FOXN1: variants seen among roughly 807,000 people sequenced by gnomAD.
The protein encoded by FOXN1 is forkhead box protein N1.
A neutral mutation model predicts 49.0 loss-of-function variants in FOXN1; 15 were observed. The ratio of observed to expected loss-of-function variants is 0.31; its 90% confidence interval spans 0.20 to 0.47. The LOEUF is 0.47. Ranked by LOEUF, FOXN1 falls within the 20% of genes least tolerant of loss-of-function variation. FOXN1 has a pLI of 1.00. For missense variants in FOXN1, 800 were observed against 842.8 expected (o/e 0.95, Z 0.63); for synonymous variants, 356 against 369.0 (o/e 0.96, Z 0.40).
At chr17:28,523,872 T>G in intron 1 of FOXN1, 84 bp from the exon 2 acceptor site, 2 of 1,231,150 alleles carry the variant, frequency 1.6e-6, no homozygotes, top group Non-Finnish European at 2.4e-6. Context: ...AGCCCAAGGA[T>G]GGGGTTGGGG....
chr17:28,509,572 A>G (rs1177196031), intron 1 of FOXN1, among the ~76,000 whole-genome samples: 4 of 152,224 alleles, frequency 2.6e-5, no homozygotes, highest in Non-Finnish European at 5.9e-5. Flanking sequence ...CCATGCCAAT[A>G]GACAAAACGA....
intron 8 of FOXN1, among the ~76,000 whole-genome samples, chr17:28,536,129 G>C (rs1379097753): frequency 6.6e-6 from 1 of 152,132 alleles, no homozygotes; most frequent in Non-Finnish European, 1.5e-5. Flanking sequence ...TGTGCACAGG[G>C]GTGGGGGACA....
In FOXN1 at chr17:28,534,604, G is replaced by C. The variant is rs1161019051; in HGVS notation, c.1135+66G>C. On this transcript the variant is annotated intron_variant, in intron 7 of 8. Transcript: ENST00000579795. This position sits in a 1 kb window ranked among gnomAD's most constrained non-coding sequence, Gnocchi z 4.1. ...TCATGAGCCAAAAAAAAAAAAAAGA[G>C]AGAATCAGAGAATGAGGCAAGGCCC... 11 of 1,569,216 alleles carry C rather than the reference G, an allele frequency of 7.0e-6. No homozygotes were observed. The highest frequency in any genetic ancestry group is 9.5e-6 in the Non-Finnish European group (11 of 1,154,142).
At position 28,529,085 on chromosome 17, in the gene FOXN1, C is replaced by T. The variant is rs755343480; in HGVS notation, c.700-9C>T. ...CATGCAATCACTCTGCCCCTTTTGA[C>T]CTCCTCAGTACTCGCCAGGTGGTGG... On this transcript the variant is annotated splice_polypyrimidine_tract_variant and intron_variant, in intron 4 of 8. Transcript: ENST00000579795. The T allele has an allele frequency of 1.9e-6, 3 of 1,614,072 alleles. No individual in the cohort carries two copies. Among genetic ancestry groups the T allele is most frequent in the Non-Finnish European group, 2.5e-6 (3 of 1,179,974 alleles).
At chr17:28,513,410 C>A (rs908786501) in intron 1 of FOXN1, among the ~76,000 whole-genome samples, 1 of 152,218 alleles carries the variant, frequency 6.6e-6, no homozygotes, top group African/African-American at 2.4e-5. Flanking sequence ...ATAAAACATT[C>A]ATCTATCTGT....
intron 1 of FOXN1, among the ~76,000 whole-genome samples, chr17:28,518,588 C>T (rs1001393283): frequency 2.0e-5 from 3 of 152,220 alleles, no homozygotes; most frequent in Admixed American, 2.0e-4. Context: ...TCGTCATCCC[C>T]TCTACTCAAG....
chr17:28,531,847 A>G (rs1597562803), intron 6 of FOXN1, among the ~76,000 whole-genome samples: 1 of 152,144 alleles, frequency 6.6e-6, no homozygotes, highest in Non-Finnish European at 1.5e-5. Flanking sequence ...TTGATGTTCA[A>G]ATAAGTTTAT....
intron 1 of FOXN1, among the ~76,000 whole-genome samples, chr17:28,520,957 G>A (rs908687525): frequency 5.3e-5 from 8 of 152,232 alleles, no homozygotes; most frequent in Non-Finnish European, 1.2e-4. Flanking sequence ...AGGACTGCCA[G>A]GCCTGAGGCA....
chr17:28,537,409 CAGCTCCA>C lies in FOXN1; in HGVS notation c.1924_1930del (p.Ser642ProfsTer32), dbSNP rs1482924497. 3 of 1,613,014 alleles carry C rather than the reference CAGCTCCA, an allele frequency of 1.9e-6. No homozygotes were observed. The highest frequency in any genetic ancestry group is 1.1e-5 in the South Asian group (1 of 91,072). On this transcript the variant is annotated frameshift_variant, in exon 9 of 9. Transcript: ENST00000579795. LOFTEE classifies it high-confidence loss of function. ...CAGGCCCCTCTGTGTACCTCAGCCC[CAGCTCCA>C]AGCCCGTGGCCCTGGCATGAGCTGT...
At chr17:28,527,181 G>T (rs1354788902) in intron 3 of FOXN1, 70 bp from the exon 4 acceptor site, 5 of 1,062,974 alleles carry the variant, frequency 4.7e-6, no homozygotes, top group Non-Finnish European at 7.2e-6. Flanking sequence ...TTTATGTAAG[G>T]TTCAAGACAC....
At chr17:28,514,445 A>G (rs2069451912) in intron 1 of FOXN1, among the ~76,000 whole-genome samples, 1 of 152,096 alleles carries the variant, frequency 6.6e-6, no homozygotes, top group Admixed American at 6.5e-5. Context: ...AACTTCCAAC[A>G]TTGATGGGGA....
chr17:28,508,735 C>T (rs2069322561), intron 1 of FOXN1, among the ~76,000 whole-genome samples: 1 of 152,156 alleles, frequency 6.6e-6, no homozygotes, highest in East Asian at 1.9e-4. Flanking sequence ...TCTGACTCCA[C>T]ATTCTGACGA....
rs764774942 is a variant in FOXN1, at chr17:28,524,631, C to T, written c.252C>T (p.Ala84=). The T allele has an allele frequency of 5.6e-6, 9 of 1,613,646 alleles. No individual in the cohort carries two copies. The East Asian group carries it at 8.9e-5, about 16-fold the overall frequency. ...AGCAAGTCCAGGGCCACTGCCCAGCCGGCCCCGGCCCTGGGCCCTTCAGGC... is the reference window on the plus strand; with the variant it reads ...AGCAAGTCCAGGGCCACTGCCCAGCTGGCCCCGGCCCTGGGCCCTTCAGGC... ...GPEQVQGHCP[A]GPGPGPFRLS... The change falls in exon 3 of 9, where the codon GCC becomes GCT. Residue 84 remains alanine (A), a synonymous_variant. Coordinates refer to ENST00000579795, the MANE Select transcript of FOXN1 (RefSeq NM_001369369.1).
chr17:28,536,504 C>G (rs975517859), intron 8 of FOXN1, among the ~76,000 whole-genome samples: 1 of 152,168 alleles, frequency 6.6e-6, no homozygotes, highest in Non-Finnish European at 1.5e-5. Flanking sequence ...GCAGCCAAAT[C>G]CAATCCAGGG....
chr17:28,535,668 G>A (rs374077906), intron 8 of FOXN1, among the ~76,000 whole-genome samples: 2 of 152,290 alleles, frequency 1.3e-5, no homozygotes, highest in South Asian at 2.1e-4. Flanking sequence ...ACTTGAACCC[G>A]GGAGGCGGAG....
Position 28,537,625 on chromosome 17 carries a change from A to T in FOXN1, c.*189A>T, listed in dbSNP as rs2070104483. On this transcript the variant is annotated 3_prime_UTR_variant, in exon 9 of 9. Coordinates refer to ENST00000579795, the MANE Select transcript of FOXN1 (RefSeq NM_001369369.1). ...TCACCTGGGGTGCTGCCTCTCACAC[A>T]TTTCTGCCACGTGGTGGCCCAGCTC... 2 of 643,566 alleles carry T rather than the reference A, an allele frequency of 3.1e-6. No homozygotes were observed. Among genetic ancestry groups the T allele is most frequent in the South Asian group, 3.5e-5 (2 of 57,570 alleles). The allele number at this position is 643,566 out of a possible 1,614,324, so 39.9% of individuals were successfully genotyped here.
chr17:28,520,465 C>A (rs78374792), intron 1 of FOXN1, among the ~76,000 whole-genome samples: 2,619 of 152,330 alleles, frequency 0.017, 78 homozygotes, highest in African/African-American at 0.06. Context: ...TCCCCACTTA[C>A]AAAACCTGCC....
In FOXN1 at chr17:28,524,029, G is replaced by A. The variant is rs1173484276; in HGVS notation, c.60G>A (p.Glu20=). The A allele has an allele frequency of 6.2e-7, 1 of 1,612,482 alleles. No homozygotes were observed. The highest frequency in any genetic ancestry group is 8.5e-7 in the Non-Finnish European group (1 of 1,179,902). The change falls in exon 2 of 9, where the codon GAG becomes GAA. Residue 20 remains glutamate (E), a synonymous_variant. Transcript: ENST00000579795. ...DVTLPGPTRL[E]GERQGDLMQA... is the part of the protein sequence containing the mutation. ...CGCTGCCGGGCCCCACCAGACTGGA[G>A]GGCGAGCGCCAAGGGGACCTCATGC...
intron 1 of FOXN1, among the ~76,000 whole-genome samples, chr17:28,507,233 T>C (rs1256102386): frequency 6.6e-6 from 1 of 152,128 alleles, no homozygotes; most frequent in Non-Finnish European, 1.5e-5. Flanking sequence ...AGGAAGCCCC[T>C]GCCAGCTCCC....
Sources: allele counts gnomAD v4.1 joint callset (sites outside exome capture counted in the v4.1 genomes callset), GRCh38; gene constraint gnomAD v4.1.1; non-coding constraint Gnocchi (gnomAD v3.1); transcripts MANE v1.5; gene names NCBI Gene and HGNC (gene_info 2026-07-23, HGNC 2026-07-21).